CLNK: variants seen among roughly 807,000 people sequenced by gnomAD.
The protein encoded by CLNK is cytokine-dependent hematopoietic cell linker.
A neutral mutation model predicts 68.6 loss-of-function variants in CLNK; 74 were observed. That is an observed-to-expected ratio of 1.08 (90% confidence interval 0.89 to 1.31). The LOEUF (loss-of-function observed/expected upper bound fraction) is 1.31, where lower values mean the gene tolerates loss of function less well. Ranked by LOEUF, CLNK falls within the 50% of genes most tolerant of loss-of-function variation. CLNK has a pLI of 0.00. For missense variants in CLNK, 553 were observed against 515.3 expected (o/e 1.07, Z -0.71); for synonymous variants, 198 against 172.2 (o/e 1.15, Z -1.17).
intron 3 of CLNK, among the ~76,000 whole-genome samples, chr4:10,590,556 T>A (rs1279627540): frequency 1.3e-5 from 2 of 152,148 alleles, no homozygotes; most frequent in Admixed American, 6.5e-5. Flanking sequence ...TGGGAAAAGA[T>A]CAGGGTGATT....
intron 2 of CLNK, among the ~76,000 whole-genome samples, chr4:10,610,808 ACACACACACACG>A: frequency 9.1e-6 from 1 of 109,816 alleles, no homozygotes; most frequent in Middle Eastern, 4.7e-3. Context: ...ACACACACAC[ACACACACACACG>A]TATGAATCCT....
At chr4:10,685,448 A>G (rs1725234798), upstream of CLNK, among the ~76,000 whole-genome samples, 1 of 152,216 alleles carries the variant, frequency 6.6e-6, no homozygotes, top group Non-Finnish European at 1.5e-5. Context: ...AAATAAAGGC[A>G]TGCAGTAATG....
chr4:10,521,094 T>C (rs751822119), intron 14 of CLNK, among the ~76,000 whole-genome samples: 1 of 152,254 alleles, frequency 6.6e-6, no homozygotes, highest in Non-Finnish European at 1.5e-5. Flanking sequence ...CACGTATCAT[T>C]ATTCTTTACT....
intron 1 of CLNK, among the ~76,000 whole-genome samples, chr4:10,683,988 T>C (rs1485117542): frequency 6.6e-6 from 1 of 152,210 alleles, no homozygotes; most frequent in Non-Finnish European, 1.5e-5. Context: ...TCGACACCTT[T>C]TAAAATCAAA....
chr4:10,490,966 T>A (rs542860099), intron 18 of CLNK, among the ~76,000 whole-genome samples: 1 of 152,266 alleles, frequency 6.6e-6, no homozygotes, highest in East Asian at 1.9e-4. Context: ...GGTTTCGCCA[T>A]GTTGGCCAGA....
At chr4:10,669,523 T>A (rs1367525837) in intron 1 of CLNK, among the ~76,000 whole-genome samples, 1 of 152,176 alleles carries the variant, frequency 6.6e-6, no homozygotes, top group African/African-American at 2.4e-5. Context: ...AGAGTGGCTT[T>A]GCACATTTTG....
chr4:10,553,848 C>A (rs1173517387), intron 8 of CLNK, among the ~76,000 whole-genome samples: 4 of 152,188 alleles, frequency 2.6e-5, no homozygotes, highest in African/African-American at 9.7e-5. Flanking sequence ...TTGTGTCTTA[C>A]AGCAAGGACC....
chr4:10,543,583 A>C (rs1719118209), intron 8 of CLNK, among the ~76,000 whole-genome samples: 10 of 152,140 alleles, frequency 6.6e-5, no homozygotes, highest in Admixed American at 6.6e-4. Flanking sequence ...TTAAGGGCTT[A>C]ATTTCAGCCC....
intron 2 of CLNK, among the ~76,000 whole-genome samples, chr4:10,646,565 G>T (rs748376915): frequency 1.2e-4 from 19 of 152,198 alleles, no homozygotes; most frequent in Admixed American, 4.6e-4. Context: ...AAACTGGCCT[G>T]TGAAAGACAG....
At chr4:10,663,107 T>C (rs978594424) in intron 2 of CLNK, among the ~76,000 whole-genome samples, 9 of 152,350 alleles carry the variant, frequency 5.9e-5, no homozygotes, top group Admixed American at 2.0e-4. Flanking sequence ...TCAAGGTTCT[T>C]ATCAGTCCTG....
chr4:10,566,184 G>A (rs778001522), intron 5 of CLNK, 34 bp from the exon 6 acceptor site: 57 of 1,610,476 alleles, frequency 3.5e-5, no homozygotes, highest in Admixed American at 2.8e-4. Flanking sequence ...TGAGTCAAAG[G>A]AAGGTACAAT....
intron 2 of CLNK, among the ~76,000 whole-genome samples, chr4:10,627,832 C>A (rs1247154011): frequency 1.3e-5 from 2 of 152,200 alleles, no homozygotes; most frequent in Non-Finnish European, 1.5e-5. Context: ...CACCTCTGGG[C>A]TTCACAGAGT....
chr4:10,723,917 A>AGAGAGACAGAGAGAGAGAGATC, the CLNK span, among the ~76,000 whole-genome samples: 1 of 150,824 alleles, frequency 6.6e-6, no homozygotes, highest in Non-Finnish European at 1.5e-5. Flanking sequence ...AGAGAGAGAG[A>AGAGAGACAGAGAGAGAGAGATC]GAAGGCAGGG....
At chr4:10,674,088 T>G (rs1351439809) in intron 1 of CLNK, among the ~76,000 whole-genome samples, 1 of 152,162 alleles carries the variant, frequency 6.6e-6, no homozygotes, top group Non-Finnish European at 1.5e-5. Flanking sequence ...AGCAGGGCAC[T>G]TGGCATGGGT....
chr4:10,503,703 T>C (rs937185195), intron 17 of CLNK, among the ~76,000 whole-genome samples: 5 of 150,280 alleles, frequency 3.3e-5, no homozygotes, highest in African/African-American at 1.2e-4. Context: ...AGTGATGTTA[T>C]GATGATACTG....
At chr4:10,551,431 A>ATATT (rs144035918) in intron 8 of CLNK, among the ~76,000 whole-genome samples, 1,848 of 149,372 alleles carry the variant, frequency 0.012, 19 homozygotes, top group Middle Eastern at 0.024. Flanking sequence ...ATATATATAT[A>ATATT]TTTTTTTTTA....
chr4:10,564,691 T>A lies in CLNK; in HGVS notation c.379A>T (p.Thr127Ser). ...CTCACTCTTTCCAACCTCGTCTGTG[T>A]GTTCCAGGTCGGCTGTCCAATGGAG... ...SISIGQPTWN[T>S]QTRLERVDKP... is the part of the protein sequence containing the mutation. Residue 127 changes from threonine (T) to serine (S), a missense_variant, in exon 7 of 19, where the codon ACA (threonine) becomes TCA (serine). Physicochemically the swap from Thr to Ser is moderately conservative, Grantham distance 58. Transcript: ENST00000226951. The A allele has an allele frequency of 6.2e-7, 1 of 1,612,688 alleles. No individual in the cohort carries two copies. Among genetic ancestry groups the A allele is most frequent in the Non-Finnish European group, 8.5e-7 (1 of 1,178,670 alleles).
intron 2 of CLNK, among the ~76,000 whole-genome samples, chr4:10,650,745 T>C (rs1723695726): frequency 6.6e-6 from 1 of 152,080 alleles, no homozygotes; most frequent in Non-Finnish European, 1.5e-5. Flanking sequence ...TTCTTCATAC[T>C]GAAAAATGCA....
intron 7 of CLNK, among the ~76,000 whole-genome samples, chr4:10,563,924 G>T (rs61795099): frequency 0.049 from 7,367 of 151,000 alleles, 224 homozygotes; most frequent in Middle Eastern, 0.1. Context: ...GAAAAGAAAA[G>T]AAAAGAAAAT....
Sources: allele counts gnomAD v4.1 joint callset (sites outside exome capture counted in the v4.1 genomes callset), GRCh38; gene constraint gnomAD v4.1.1; transcripts MANE v1.5; gene names NCBI Gene and HGNC (gene_info 2026-07-23, HGNC 2026-07-21).